The following FAXDC2 variants were observed in gnomAD, a reference collection of about 807,000 sequenced individuals.
FAXDC2 encodes the protein fatty acid hydroxylase domain-containing protein 2.
In FAXDC2, 41 loss-of-function variants were observed where a neutral mutation model predicts 40.9. The observed-to-expected ratio is 1.00, with a 90% CI of 0.78 to 1.30. The LOEUF (loss-of-function observed/expected upper bound fraction) is 1.30, where lower values mean the gene tolerates loss of function less well. Ranked by LOEUF, FAXDC2 falls within the 50% of genes most tolerant of loss-of-function variation. The probability of loss-of-function intolerance (pLI) is 0.00; values close to 1 mark genes in which losing one functional copy is unlikely to be tolerated. For synonymous variants in FAXDC2, 157 were observed against 149.3 expected, an observed-to-expected ratio of 1.05 and a Z score of -0.38; for missense variants, 390 against 408.8, an observed-to-expected ratio of 0.95 and a Z score of 0.40.
At chr5:154,834,306 G>A (rs1760264907) in intron 4 of FAXDC2, among the ~76,000 whole-genome samples, 2 of 151,978 alleles carry the variant, frequency 1.3e-5, no homozygotes, top group Non-Finnish European at 2.9e-5. Context: ...GACAAGACAG[G>A]GCAGCTCTCT....
intron 2 of FAXDC2, among the ~76,000 whole-genome samples, chr5:154,835,883 CTTTTTTTTTTT>C (rs869068025): frequency 4.0e-4 from 19 of 47,870 alleles, no homozygotes; most frequent in African/African-American, 5.1e-4. Context: ...GCCCGGCCGA[CTTTTTTTTTTT>C]TTTTTTTTTT....
At chr5:154,837,611 C>T (rs191401273) in intron 2 of FAXDC2, among the ~76,000 whole-genome samples, 23 of 137,680 alleles carry the variant, frequency 1.7e-4, no homozygotes, top group Non-Finnish European at 2.9e-4. Flanking sequence ...AAATTAAAAC[C>T]TCAGTTTCAC....
In FAXDC2 at chr5:154,821,276, C is replaced by T. The variant is rs200568911; in HGVS notation, c.829G>A (p.Asp277Asn). 3.8e-4 allele frequency: 609 copies of T among 1,611,562 alleles called. 2 individuals are homozygous for T. Among genetic ancestry groups the T allele is most frequent in the Non-Finnish European group, 4.0e-4 (468 of 1,178,858 alleles). ...GGTCCTTACTTGAGATGGTGGTAGT[C>T]GTGGAATTCAGGCGAAGGCAGGAAG... is the stretch of plus-strand genomic sequence containing the variant. Reference protein sequence around the residue: ...LPFLPSPEFHDYHHLKFNQCY... With the variant: ...LPFLPSPEFHNYHHLKFNQCY... Residue 277 changes from aspartate to asparagine, a missense_variant, in exon 8 of 9, where the codon GAC (aspartate) becomes AAC (asparagine). Physicochemically the swap from Asp to Asn is conservative, Grantham distance 23. Transcript: ENST00000326080.
chr5:154,847,004 C>G (rs1030223828), intron 1 of FAXDC2, among the ~76,000 whole-genome samples: 1 of 151,754 alleles, frequency 6.6e-6, no homozygotes, highest in African/African-American at 2.4e-5. Flanking sequence ...TGCTCTGTTG[C>G]CGAGACTGAA....
intron 1 of FAXDC2, among the ~76,000 whole-genome samples, chr5:154,847,064 G>C (rs538841342): frequency 1.3e-5 from 2 of 151,988 alleles, no homozygotes; most frequent in African/African-American, 4.8e-5. Context: ...TCTATGCTCA[G>C]GTGATCCTCC....
At position 154,850,489 on chromosome 5, in the gene FAXDC2, A is replaced by C. The variant is rs995758039; in HGVS notation, c.-7T>G. 3.3e-5 allele frequency: 5 copies of C among 152,316 alleles called. No homozygotes were observed. The highest frequency in any genetic ancestry group is 1.2e-4 in the African/African-American group (5 of 41,442). The allele number at this position is 152,316 out of a possible 1,614,324, so 9.4% of individuals were successfully genotyped here. On this transcript the variant is annotated 5_prime_UTR_variant, in exon 1 of 9. Coordinates refer to ENST00000326080, the MANE Select transcript of FAXDC2 (RefSeq NM_032385.5). ...CCCCGTAGTTCCCACTTACCTCTGC[A>C]GTGGGCTGTGTCCAAGCTGCTGAGG...
chr5:154,844,718 CAG>C (rs1443458314), intron 1 of FAXDC2, among the ~76,000 whole-genome samples: 12 of 152,066 alleles, frequency 7.9e-5, no homozygotes, highest in Admixed American at 1.3e-4. Flanking sequence ...TATAAATAAA[CAG>C]AATCAGATAT....
intron 4 of FAXDC2, among the ~76,000 whole-genome samples, chr5:154,832,777 G>GT (rs910468788): frequency 6.6e-6 from 1 of 152,036 alleles, no homozygotes; most frequent in Admixed American, 6.6e-5. Flanking sequence ...AATATTTGAG[G>GT]TTTTTTTAGA....
At position 154,820,362 on chromosome 5, in the gene FAXDC2, G is replaced by A. The variant is rs1205829178; in HGVS notation, c.956C>T (p.Thr319Ile). The part of the protein sequence containing the change: ...YERHVLLLGF[T>I]PLSESIPDSP... ...GTCTGGGATGCTCTCAGAGAGCGGG[G>A]TGAAGCCCAGCAGGAGGACATGTCT... Residue 319 changes from threonine to isoleucine, a missense_variant, in exon 9 of 9, where the codon ACC becomes ATC. Coordinates refer to ENST00000326080, the MANE Select transcript of FAXDC2 (RefSeq NM_032385.5). 6 of 1,613,278 alleles carry A rather than the reference G, an allele frequency of 3.7e-6. No individual in the cohort carries two copies. In the African/African-American group the frequency reaches 8.0e-5, roughly 22 times the overall value.
intron 7 of FAXDC2, chr5:154,821,868 G>A (rs922095420): frequency 6.2e-6 from 1 of 161,164 alleles, no homozygotes; most frequent in Non-Finnish European, 1.3e-5. Flanking sequence ...AAGGCGGGTA[G>A]ATCACGAGGT....
At chr5:154,838,551 A>C (rs1313554914) in intron 1 of FAXDC2, 1 of 248,146 alleles carries the variant, frequency 4.0e-6, no homozygotes, top group East Asian at 1.5e-4. Context: ...TAAGAGAAAA[A>C]AATGAACTTA....
intron 8 of FAXDC2, 139 bp from the exon 9 acceptor site, chr5:154,820,611 A>G (rs774313545): frequency 4.0e-5 from 26 of 654,352 alleles, no homozygotes; most frequent in Non-Finnish European, 6.4e-5. Flanking sequence ...CTGCATCAGA[A>G]TAAGCTGGGG....
intron 5 of FAXDC2, 171 bp downstream of exon 5, chr5:154,830,630 G>T: frequency 1.5e-6 from 1 of 657,586 alleles, no homozygotes; most frequent in Non-Finnish European, 2.5e-6. Flanking sequence ...GTGACTCTGA[G>T]GTTGTGGGCA....
At chr5:154,846,951 A>T (rs1760614354) in intron 1 of FAXDC2, among the ~76,000 whole-genome samples, 1 of 150,890 alleles carries the variant, frequency 6.6e-6, no homozygotes, top group Admixed American at 6.6e-5. Flanking sequence ...TTTTAGTGTG[A>T]ACCAAGGATT....
At chr5:154,824,502 T>G in intron 5 of FAXDC2, 2 of 702,566 alleles carry the variant, frequency 2.8e-6, no homozygotes, top group Non-Finnish European at 5.2e-6. Context: ...ATTAACTGAT[T>G]TCAGAATTCA....
At chr5:154,844,709 A>G (rs1760555184) in intron 1 of FAXDC2, among the ~76,000 whole-genome samples, 1 of 152,256 alleles carries the variant, frequency 6.6e-6, no homozygotes, top group Non-Finnish European at 1.5e-5. Flanking sequence ...GGTATAAAGT[A>G]TAAATAAACA....
chr5:154,830,959 G>T, intron 4 of FAXDC2, 37 bp from the exon 5 acceptor site: 1 of 1,610,460 alleles, frequency 6.2e-7, no homozygotes, highest in South Asian at 1.1e-5. Context: ...GGGCGACTTT[G>T]GGTTCTCACA....
intron 1 of FAXDC2, 129 bp downstream of exon 1, chr5:154,850,354 C>G (rs1444933694): frequency 6.6e-6 from 1 of 152,208 alleles, no homozygotes; most frequent in Non-Finnish European, 1.5e-5. Context: ...CAAATCTAAC[C>G]CTGCCATAAG....
At chr5:154,834,477 C>A (rs534184942) in intron 4 of FAXDC2, 148 bp downstream of exon 4, 135 of 628,154 alleles carry the variant, frequency 2.1e-4, no homozygotes, top group Non-Finnish European at 3.3e-4. Flanking sequence ...GTTTAGTATT[C>A]TTTGGGACTA....
Sources: allele counts gnomAD v4.1 joint callset (sites outside exome capture counted in the v4.1 genomes callset), GRCh38; gene constraint gnomAD v4.1.1; transcripts MANE v1.5; gene names NCBI Gene and HGNC (gene_info 2026-07-23, HGNC 2026-07-21).